The following ANK2 variants were observed in gnomAD, a reference collection of about 807,000 sequenced individuals.
ANK2 encodes the protein ankyrin-2.
Under a neutral mutation model 360.5 loss-of-function variants are expected in ANK2, and 83 were observed. The observed-to-expected ratio is 0.23, with a 90% CI of 0.19 to 0.28. The LOEUF (loss-of-function observed/expected upper bound fraction) is 0.28, where lower values mean the gene tolerates loss of function less well. ANK2 is among the 10% of genes least tolerant of loss of function. The pLI is 1.00. For synonymous variants in ANK2, 1,740 were observed against 1,759.5 expected (o/e 0.99, Z 0.28); for missense variants, 4,201 against 4,795.7 (o/e 0.88, Z 3.66).
intron 4 of ANK2, among the ~76,000 whole-genome samples, chr4:113,230,050 C>T (rs1264458154): frequency 6.6e-6 from 1 of 152,162 alleles, no homozygotes; most frequent in Non-Finnish European, 1.5e-5. Context: ...TAGCCTTCCG[C>T]CACCTCTTCA....
At position 113,323,755 on chromosome 4, in the gene ANK2, G is replaced by A. The variant is rs139641776; in HGVS notation, c.2900+5135G>A. On this transcript the variant is annotated intron_variant, in intron 26 of 45. Transcript: ENST00000357077. The stretch of plus-strand genomic sequence containing the variant: ...TCTGTGCTAAAGTATCTATTCTGTT[G>A]CAGCCGCGCCTCTCCATGTCTTGAA... 8.8e-5 allele frequency: 141 copies of A among 1,611,012 alleles called. No homozygotes were observed. In the African/African-American group the frequency reaches 1.4e-3, roughly 16 times the overall value.
chr4:112,843,088 G>A (rs1050526280), intron 1 of ANK2, among the ~76,000 whole-genome samples: 1 of 151,952 alleles, frequency 6.6e-6, no homozygotes, highest in African/African-American at 2.4e-5. Context: ...TATTACATTG[G>A]GTCCACCTGG....
intron 6 of ANK2, 145 bp downstream of exon 6, chr4:113,237,317 G>T (rs1374510876): frequency 1.9e-6 from 2 of 1,067,020 alleles, no homozygotes; most frequent in African/African-American, 1.6e-5. Flanking sequence ...AGGTATTTCA[G>T]AAAGAAGGGG....
intron 23 of ANK2, among the ~76,000 whole-genome samples, chr4:113,310,384 G>T (rs1208391593): frequency 6.6e-6 from 1 of 152,006 alleles, no homozygotes; most frequent in Non-Finnish European, 1.5e-5. Flanking sequence ...GAGTAGGGGT[G>T]GGGTAGAAGA....
intron 2 of ANK2, among the ~76,000 whole-genome samples, chr4:113,038,676 A>G (rs1458152965): frequency 6.6e-6 from 1 of 152,072 alleles, no homozygotes; most frequent in Non-Finnish European, 1.5e-5. Context: ...GACCAATAAA[A>G]TATGGCAGAG....
intron 1 of ANK2, among the ~76,000 whole-genome samples, chr4:113,131,486 C>T (rs1393679668): frequency 6.6e-6 from 1 of 152,202 alleles, no homozygotes; most frequent in Non-Finnish European, 1.5e-5. Flanking sequence ...ATCAGTGTTC[C>T]AATGACTTAT....
chr4:112,883,653 C>T (rs989679485), intron 1 of ANK2, among the ~76,000 whole-genome samples: 2 of 151,890 alleles, frequency 1.3e-5, no homozygotes, highest in African/African-American at 4.8e-5. Flanking sequence ...TTTTTCCCCT[C>T]TCCACTTTAA....
At chr4:112,949,059 G>T (rs1287632154) in intron 2 of ANK2, among the ~76,000 whole-genome samples, 2 of 152,116 alleles carry the variant, frequency 1.3e-5, no homozygotes, top group South Asian at 4.1e-4. Flanking sequence ...TACCCTAGGA[G>T]GTACAGCTCC....
At chr4:113,250,763 C>T (rs983325119) in intron 10 of ANK2, among the ~76,000 whole-genome samples, 1 of 140,188 alleles carries the variant, frequency 7.1e-6, no homozygotes, top group Admixed American at 7.1e-5. Context: ...CCGCCCCCCC[C>T]CCCGACAGAG....
chr4:113,261,005 C>T (rs1255853678), intron 13 of ANK2, among the ~76,000 whole-genome samples: 2 of 152,144 alleles, frequency 1.3e-5, no homozygotes, highest in South Asian at 4.1e-4. Context: ...CAACTTGATG[C>T]GCCCAAAGTG....
intron 14 of ANK2, among the ~76,000 whole-genome samples, chr4:113,269,634 G>A (rs1017571373): frequency 1.8e-4 from 27 of 152,192 alleles, no homozygotes; most frequent in African/African-American, 6.5e-4. Flanking sequence ...AGTGAGATGA[G>A]CCAGATACCT....
chr4:113,045,820 A>T (rs770574396), upstream of ANK2, among the ~76,000 whole-genome samples: 1 of 152,232 alleles, frequency 6.6e-6, no homozygotes, highest in African/African-American at 2.4e-5. Context: ...TAGATATCAG[A>T]AAGTACATAA....
At chr4:112,716,644 C>T in the ANK2 span, among the ~76,000 whole-genome samples, 4 of 152,166 alleles carry the variant, frequency 2.6e-5, no homozygotes, top group African/African-American at 9.7e-5. Context: ...TAGTGCACCA[C>T]AGCCTTGAAC....
chr4:113,285,552 A>G (rs2064120004), intron 18 of ANK2, among the ~76,000 whole-genome samples: 2 of 152,212 alleles, frequency 1.3e-5, no homozygotes, highest in Non-Finnish European at 2.9e-5. Context: ...AAGGATGAAG[A>G]TGAGGAGACA....
At chr4:112,918,300 G>T (rs2090498654) in intron 2 of ANK2, among the ~76,000 whole-genome samples, 1 of 152,100 alleles carries the variant, frequency 6.6e-6, no homozygotes. Context: ...GTGGAATGAA[G>T]ATAGCTTGAT....
chr4:113,108,546 G>C (rs2093928521), intron 1 of ANK2, among the ~76,000 whole-genome samples: 1 of 152,092 alleles, frequency 6.6e-6, no homozygotes, highest in Non-Finnish European at 1.5e-5. Flanking sequence ...TTATAGAATG[G>C]CTAGTAAGCT....
chr4:113,381,243 A>AT lies in ANK2; in HGVS notation c.11860-210dup, dbSNP rs11451841. Among the ~76,000 whole-genome samples the AT allele has an allele frequency of 0.1, 15,516 of 152,280 alleles. 918 individuals are homozygous for AT. Among genetic ancestry groups the AT allele is most frequent in the Middle Eastern group, 0.18 (54 of 294 alleles). ...AAAAATACTCCTTGTTCCAAAACAC[A>AT]TTTTAAAAAAATCTCATGAATCGTT... On this transcript the variant is annotated intron_variant, in intron 45 of 45. Transcript: ENST00000357077.
chr4:113,128,137 A>T (rs187759328), intron 1 of ANK2, among the ~76,000 whole-genome samples: 175 of 152,300 alleles, frequency 1.1e-3, no homozygotes, highest in Non-Finnish European at 2.1e-3. Context: ...AAAGCCAATA[A>T]ATAAAAATGT....
chr4:112,954,719 T>C (rs563980345), intron 2 of ANK2, among the ~76,000 whole-genome samples: 27 of 152,272 alleles, frequency 1.8e-4, no homozygotes, highest in Non-Finnish European at 4.0e-4. Flanking sequence ...ATTAGAAAAG[T>C]TTTGGTTTTA....
Sources: gnomAD v4.1 joint callset for allele counts (sites outside exome capture counted in the v4.1 genomes callset) on GRCh38, gnomAD v4.1.1 for gene constraint, MANE v1.5 for transcripts, NCBI Gene and HGNC (gene_info 2026-07-23, HGNC 2026-07-21) for gene names.